Variants in CHRM3 observed in about 807,000 individuals in gnomAD.
CHRM3 encodes cholinergic receptor muscarinic 3.
A neutral mutation model predicts 41.8 loss-of-function variants in CHRM3; 11 were observed. The ratio of observed to expected loss-of-function variants is 0.26; its 90% CI spans 0.17 to 0.44. CHRM3 has a LOEUF of 0.44. CHRM3 is among the 20% of genes least tolerant of loss of function. The pLI, the probability that CHRM3 is intolerant of heterozygous loss-of-function variation, is 1.00. For synonymous variants in CHRM3, 297 were observed against 301.4 expected, an observed-to-expected ratio of 0.99 and a Z score of 0.15; for missense variants, 571 against 745.4, an observed-to-expected ratio of 0.77 and a Z score of 2.72.
intron 5 of CHRM3, among the ~76,000 whole-genome samples, chr1:239,811,980 A>G (rs1000649505): frequency 1.3e-5 from 2 of 152,212 alleles, no homozygotes; most frequent in African/African-American, 4.8e-5. Flanking sequence ...TTTAATTCAT[A>G]TCGATTTATG....
intron 5 of CHRM3, among the ~76,000 whole-genome samples, chr1:239,722,312 T>A (rs1663047078): frequency 6.6e-6 from 1 of 151,926 alleles, no homozygotes; most frequent in Non-Finnish European, 1.5e-5. Flanking sequence ...CTGACAGACA[T>A]GTTTCCCAGT....
intron 3 of CHRM3, among the ~76,000 whole-genome samples, chr1:239,562,761 G>T (rs188794891): frequency 6.6e-6 from 1 of 151,880 alleles, no homozygotes; most frequent in Non-Finnish European, 1.5e-5. Flanking sequence ...GGTGGCTGAC[G>T]CCAGTAATCC....
At chr1:239,511,111 T>A (rs1214178384) in intron 2 of CHRM3, among the ~76,000 whole-genome samples, 1 of 152,226 alleles carries the variant, frequency 6.6e-6, no homozygotes, top group African/African-American at 2.4e-5. Flanking sequence ...CAGCCTCATG[T>A]GTTCTTTTGT....
At chr1:239,835,838 A>G (rs916808529) in intron 6 of CHRM3, among the ~76,000 whole-genome samples, 11 of 152,230 alleles carry the variant, frequency 7.2e-5, no homozygotes, top group African/African-American at 2.7e-4. Context: ...AGAAGGATGA[A>G]CGAACATGGA....
At chr1:239,584,167 G>A (rs1034844270) in intron 3 of CHRM3, among the ~76,000 whole-genome samples, 26 of 146,416 alleles carry the variant, frequency 1.8e-4, no homozygotes, top group Admixed American at 2.8e-4. Flanking sequence ...GCAGTGGTGC[G>A]ATCTTGGCTC....
chr1:239,834,794 C>CT (rs1342892823), intron 6 of CHRM3, among the ~76,000 whole-genome samples: 1 of 151,894 alleles, frequency 6.6e-6, no homozygotes, highest in Non-Finnish European at 1.5e-5. Flanking sequence ...TCAGATTTCA[C>CT]TTTTTTCTAC....
intron 5 of CHRM3, among the ~76,000 whole-genome samples, chr1:239,755,135 C>T (rs1318206184): frequency 6.6e-6 from 1 of 152,140 alleles, no homozygotes; most frequent in African/African-American, 2.4e-5. Flanking sequence ...CATACCCTTA[C>T]CAATGCTTCT....
At chr1:239,404,433 A>G (rs535673050) in intron 1 of CHRM3, among the ~76,000 whole-genome samples, 16 of 118,410 alleles carry the variant, frequency 1.4e-4, no homozygotes, top group African/African-American at 4.2e-4. Context: ...AAAGAAAGAA[A>G]GAAAGAAAGA....
intron 4 of CHRM3, among the ~76,000 whole-genome samples, chr1:239,640,467 T>G (rs1173190334): frequency 2.0e-5 from 3 of 152,210 alleles, no homozygotes; most frequent in Non-Finnish European, 2.9e-5. Flanking sequence ...TATTCAGAGA[T>G]TCAACTTCTT....
chr1:239,878,537 T>C (rs1377368118), intron 6 of CHRM3, among the ~76,000 whole-genome samples: 1 of 152,064 alleles, frequency 6.6e-6, no homozygotes, highest in African/African-American at 2.4e-5. Context: ...CTGGTACATG[T>C]CTGTGGCCTG....
intron 3 of CHRM3, among the ~76,000 whole-genome samples, chr1:239,572,110 T>A (rs759655570): frequency 1.3e-5 from 2 of 152,200 alleles, no homozygotes. Flanking sequence ...TAAAGCTGTA[T>A]TTTTTAGCCA....
chr1:239,492,808 G>GT lies in CHRM3; in HGVS notation c.-422+2dup, dbSNP rs1667637906. 6.6e-6 allele frequency: 1 copy of GT among 152,230 alleles called. No homozygotes were observed. Among genetic ancestry groups the GT allele is most frequent in the Non-Finnish European group, 1.5e-5 (1 of 68,086 alleles). The allele number at this position is 152,230 out of a possible 1,614,324, so 9.4% of individuals were successfully genotyped here. On this transcript the variant is annotated splice_donor_variant, in intron 2 of 6. Transcript: ENST00000676153. LOFTEE classifies it low-confidence loss of function (5UTR_SPLICE). ...CCAGTCCATTGCTGCCTGCTACAAGGTAAGTGAAATCGATCTCCGTCTACC... is the reference window on the plus strand; with the variant it reads ...CCAGTCCATTGCTGCCTGCTACAAGGTTAAGTGAAATCGATCTCCGTCTACC...
At chr1:239,759,920 A>AT (rs1221549429) in intron 5 of CHRM3, among the ~76,000 whole-genome samples, 1 of 151,540 alleles carries the variant, frequency 6.6e-6, no homozygotes, top group African/African-American at 2.4e-5. Flanking sequence ...ATTTTTATTT[A>AT]TTTATTTTTT....
chr1:239,866,735 A>G (rs1194270619), intron 6 of CHRM3, among the ~76,000 whole-genome samples: 3 of 152,232 alleles, frequency 2.0e-5, no homozygotes, highest in Non-Finnish European at 4.4e-5. Context: ...CACTGTGTGC[A>G]AGGAAATTCA....
At chr1:239,405,861 G>A (rs1660552256) in intron 1 of CHRM3, among the ~76,000 whole-genome samples, 1 of 151,996 alleles carries the variant, frequency 6.6e-6, no homozygotes, top group Non-Finnish European at 1.5e-5. Flanking sequence ...TTGGCTATCT[G>A]CTCTATTTAT....
intron 1 of CHRM3, among the ~76,000 whole-genome samples, chr1:239,404,468 A>AAGAG (rs397954107): frequency 0.046 from 4,133 of 89,816 alleles, 595 homozygotes; most frequent in East Asian, 0.11. Context: ...GAAAGAAAGA[A>AAGAG]AAAGAAAGAA....
At chr1:239,648,085 T>C (rs1671897467) in intron 4 of CHRM3, among the ~76,000 whole-genome samples, 1 of 152,152 alleles carries the variant, frequency 6.6e-6, no homozygotes, top group Admixed American at 6.5e-5. Flanking sequence ...TTTTGCTTAA[T>C]TCTCAAGTTG....
chr1:239,592,555 G>C (rs977846543), intron 3 of CHRM3, among the ~76,000 whole-genome samples: 1 of 152,028 alleles, frequency 6.6e-6, no homozygotes, highest in Non-Finnish European at 1.5e-5. Flanking sequence ...TTCATTTCAT[G>C]GTCTTTTGTG....
chr1:239,479,190 CCACACACACA>C (rs56202845), intron 1 of CHRM3, among the ~76,000 whole-genome samples: 14 of 139,984 alleles, frequency 1.0e-4, no homozygotes, highest in South Asian at 7.3e-4. Flanking sequence ...TTTCAAAAAA[CCACACACACA>C]CACACACACA....
Sources: allele counts gnomAD v4.1 joint callset (sites outside exome capture counted in the v4.1 genomes callset), GRCh38; gene constraint gnomAD v4.1.1; transcripts MANE v1.5; gene names NCBI Gene and HGNC (gene_info 2026-07-23, HGNC 2026-07-21).